Variants in PEX7 observed in about 807,000 individuals in gnomAD.
PEX7 encodes peroxisomal biogenesis factor 7, also known as PTS2 receptor.
Under a neutral mutation model 47.5 loss-of-function variants are expected in PEX7, and 34 were observed. That is an observed-to-expected ratio of 0.72 (90% confidence interval 0.54 to 0.95). The LOEUF (loss-of-function observed/expected upper bound fraction) is 0.95. Ranked by LOEUF, PEX7 falls within the 40% of genes least tolerant of loss-of-function variation. The probability of loss-of-function intolerance (pLI) is 0.00; values close to 1 mark genes in which losing one functional copy is unlikely to be tolerated. For missense variants in PEX7, 394 were observed against 400.3 expected, an observed-to-expected ratio of 0.98 and a Z score of 0.13; for synonymous variants, 141 against 148.8, an observed-to-expected ratio of 0.95 and a Z score of 0.38.
At chr6:136,831,345 A>T (rs1411450360) in intron 3 of PEX7, among the ~76,000 whole-genome samples, 1 of 152,190 alleles carries the variant, frequency 6.6e-6, no homozygotes, top group African/African-American at 2.4e-5. Context: ...CAAGAACAGC[A>T]TGGGGGAAAC....
chr6:136,869,148 C>T (rs1392437868), intron 6 of PEX7, among the ~76,000 whole-genome samples: 1 of 152,138 alleles, frequency 6.6e-6, no homozygotes, highest in Non-Finnish European at 1.5e-5. Context: ...TGGTCTCAAA[C>T]TCCTGGGCTC....
At chr6:136,822,995 A>G in intron 1 of PEX7, 200 bp downstream of exon 1, 2 of 985,432 alleles carry the variant, frequency 2.0e-6, no homozygotes, top group East Asian at 2.3e-4. Flanking sequence ...GCAGGAGTCG[A>G]TCTTCCAGTT....
At chr6:136,879,814 T>A (rs1673394749) in intron 8 of PEX7, among the ~76,000 whole-genome samples, 1 of 152,196 alleles carries the variant, frequency 6.6e-6, no homozygotes, top group Admixed American at 6.5e-5. Context: ...CTATATTTCT[T>A]TATCTCATTT....
chr6:136,873,892 A>AT (rs1775223117), intron 8 of PEX7, among the ~76,000 whole-genome samples: 1 of 151,976 alleles, frequency 6.6e-6, no homozygotes, highest in Non-Finnish European at 1.5e-5. Flanking sequence ...GATAATCATG[A>AT]TTTTTCTTCT....
chr6:136,865,299 T>C (rs544141029), intron 5 of PEX7, among the ~76,000 whole-genome samples: 1 of 152,140 alleles, frequency 6.6e-6, no homozygotes, highest in African/African-American at 2.4e-5. Context: ...ACTCTTTATT[T>C]ATTTATTTAT....
chr6:136,868,122 C>T (rs929473905), intron 6 of PEX7, among the ~76,000 whole-genome samples: 4 of 152,178 alleles, frequency 2.6e-5, no homozygotes, highest in African/African-American at 9.7e-5. Context: ...ACATGCTGGA[C>T]AGGCATGTAG....
chr6:136,892,112 T>TA (rs954759492), intron 8 of PEX7, among the ~76,000 whole-genome samples: 2 of 152,156 alleles, frequency 1.3e-5, no homozygotes, highest in African/African-American at 4.8e-5. Context: ...TAAGTGCATA[T>TA]AAAAAATATT....
At chr6:136,872,768 C>T (rs1396129080) in intron 8 of PEX7, among the ~76,000 whole-genome samples, 2 of 151,942 alleles carry the variant, frequency 1.3e-5, no homozygotes, top group Non-Finnish European at 1.5e-5. Context: ...AGTTACAGTT[C>T]CATACCACAG....
chr6:136,832,420 A>G (rs1320095934), intron 3 of PEX7, among the ~76,000 whole-genome samples: 1 of 152,224 alleles, frequency 6.6e-6, no homozygotes, highest in East Asian at 1.9e-4. Flanking sequence ...GCTTCTGCAA[A>G]TGTCTCTGAC....
intron 5 of PEX7, among the ~76,000 whole-genome samples, chr6:136,857,529 A>C (rs1451550270): frequency 6.6e-6 from 1 of 152,192 alleles, no homozygotes. Context: ...GCTAAGACAA[A>C]ATCTAGAAGC....
chr6:136,913,428 G>A (rs373797091), intron 9 of PEX7, 30 bp from the exon 10 acceptor site: 19 of 1,525,510 alleles, frequency 1.2e-5, no homozygotes, highest in South Asian at 1.1e-4. Flanking sequence ...GTCTAAATAC[G>A]TTTCTTCTTA....
intron 8 of PEX7, among the ~76,000 whole-genome samples, chr6:136,897,270 A>G (rs924582587): frequency 5.3e-5 from 8 of 152,204 alleles, no homozygotes; most frequent in Admixed American, 2.0e-4. Context: ...CATGTTGTAG[A>G]TCATTAGAGA....
rs148500981 is a variant in PEX7, at chr6:136,854,344, A to G, written c.526+8163A>G. Among the ~76,000 whole-genome samples the G allele has an allele frequency of 3.1e-3, 471 of 152,032 alleles. 7 individuals carry two copies. In the South Asian group the frequency reaches 0.034, roughly 11 times the overall value. ...TCTGAGTACAGGTGTGCGCCATCAC[A>G]CCCAGCTAATTTTTGTATTTTTAGT... On this transcript the variant is annotated intron_variant, in intron 5 of 9. Coordinates refer to ENST00000318471, the MANE Select transcript of PEX7 (RefSeq NM_000288.4).
intron 9 of PEX7, chr6:136,901,211 T>A (rs1032884765): frequency 1.3e-5 from 2 of 152,318 alleles, no homozygotes; most frequent in Non-Finnish European, 2.9e-5. Context: ...CACATCAAAC[T>A]CTTTTCTAGG....
chr6:136,848,115 TGGGA>T (rs1774662980), intron 5 of PEX7, among the ~76,000 whole-genome samples: 1 of 152,186 alleles, frequency 6.6e-6, no homozygotes, highest in African/African-American at 2.4e-5. Context: ...CAATTGTGAA[TGGGA>T]GTTCACTCAT....
intron 5 of PEX7, among the ~76,000 whole-genome samples, chr6:136,863,864 G>C (rs1179206574): frequency 6.6e-6 from 1 of 152,128 alleles, no homozygotes; most frequent in Non-Finnish European, 1.5e-5. Flanking sequence ...AGCTGAGATC[G>C]CATCACTGCA....
At chr6:136,842,656 T>C (rs1180486749) in intron 3 of PEX7, among the ~76,000 whole-genome samples, 1 of 152,260 alleles carries the variant, frequency 6.6e-6, no homozygotes, top group Admixed American at 6.5e-5. Context: ...ATTGGTTAAA[T>C]TATTTTAACC....
intron 5 of PEX7, among the ~76,000 whole-genome samples, chr6:136,858,153 G>T (rs1384326878): frequency 6.6e-6 from 1 of 152,208 alleles, no homozygotes; most frequent in Non-Finnish European, 1.5e-5. Flanking sequence ...CGTGTGCCCA[G>T]AATTCTGTGG....
chr6:136,827,504 TTGTGTGTGTGTGTGTGTGTG>T (rs5880309), intron 3 of PEX7, among the ~76,000 whole-genome samples: 7 of 140,928 alleles, frequency 5.0e-5, no homozygotes, highest in South Asian at 2.3e-4. Context: ...CTGTGTGAAT[TTGTGTGTGTGTGTGTGTGTG>T]TGTGTGTGTG....
Sources: gnomAD v4.1 joint callset for allele counts (sites outside exome capture counted in the v4.1 genomes callset) on GRCh38, gnomAD v4.1.1 for gene constraint, MANE v1.5 for transcripts, NCBI Gene and HGNC (gene_info 2026-07-23, HGNC 2026-07-21) for gene names.